Variants in MIER1 observed in about 807,000 individuals in gnomAD.
MIER1 encodes the protein mesoderm induction early response protein 1.
In MIER1, 40 loss-of-function variants were observed where a neutral mutation model predicts 75.7. That is an observed-to-expected ratio of 0.53 (90% CI 0.41 to 0.69). The LOEUF is 0.69. Ranked by LOEUF, MIER1 falls within the 30% of genes least tolerant of loss-of-function variation. MIER1 has a pLI of 0.00. For missense variants in MIER1, 574 were observed against 680.2 expected (o/e 0.84, Z 1.74); for synonymous variants, 213 against 223.4 (o/e 0.95, Z 0.42).
intron 2 of MIER1, among the ~76,000 whole-genome samples, chr1:66,927,333 A>T (rs766202671): frequency 1.3e-5 from 2 of 152,124 alleles, no homozygotes; most frequent in Non-Finnish European, 1.5e-5. Flanking sequence ...TGGGACATTA[A>T]TCACAAACCT....
intron 4 of MIER1, among the ~76,000 whole-genome samples, chr1:66,955,178 G>A (rs990286364): frequency 6.6e-6 from 1 of 151,938 alleles, no homozygotes; most frequent in Admixed American, 6.6e-5. Flanking sequence ...AAATATTTGA[G>A]CTGGATATCA....
intron 2 of MIER1, chr1:66,930,462 A>G (rs2101039289): frequency 6.6e-7 from 1 of 1,523,044 alleles, no homozygotes; most frequent in Non-Finnish European, 8.9e-7. Context: ...TGGGCCGGGG[A>G]GGAGTGGAGT....
In MIER1 at chr1:66,958,074, A is replaced by C. The variant is rs1226363362; in HGVS notation, c.355A>C (p.Ile119Leu). 2 of 1,586,618 alleles carry C rather than the reference A, an allele frequency of 1.3e-6. No homozygotes were observed. The highest frequency in any genetic ancestry group is 1.7e-6 in the Non-Finnish European group (2 of 1,165,996). ...ATTTATTTAGGAAGGCGACATGCCA[A>C]TTCATGAACTTCTCAGCCTTTATGG... is the stretch of plus-strand genomic sequence containing the variant. ...EDLAREGDMPIHELLSLYGYG... is the reference protein window; with the variant it reads ...EDLAREGDMPLHELLSLYGYG... The change falls in exon 5 of 14, where the codon ATT becomes CTT. Residue 119 changes from isoleucine to leucine, a missense_variant. This residue lies in a region of MIER1 where 309 missense variants were observed against 352.8 expected (regional missense o/e 0.88). Transcript: ENST00000401041.
Position 66,981,807 on chromosome 1 carries a change from A to G in MIER1, c.1258A>G (p.Ser420Gly). ...TTACATGGATCGTCTTCTAGACGAA[A>G]GTGAAAGTGCTGCATCTAGTCGAGC... ...TDYMDRLLDESESAASSRAPS... is the reference protein window; with the variant it reads ...TDYMDRLLDEGESAASSRAPS... The change falls in exon 13 of 14, where the codon AGT becomes GGT. Residue 420 changes from serine (S) to glycine (G), a missense_variant. By Grantham distance (56) the Ser-to-Gly change is moderately conservative (BLOSUM62 0). Around this residue, in one of 3 missense-constraint regions of MIER1, gnomAD observed 101 missense variants for 173.1 expected, o/e 0.58. Coordinates refer to ENST00000401041, the MANE Select transcript of MIER1 (RefSeq NM_001077700.3). 6.2e-7 allele frequency: 1 copy of G among 1,613,860 alleles called. No homozygotes were observed. The highest frequency in any genetic ancestry group is 8.5e-7 in the Non-Finnish European group (1 of 1,179,780).
At chr1:66,974,508 C>A (rs1368604564) in intron 11 of MIER1, among the ~76,000 whole-genome samples, 1 of 151,668 alleles carries the variant, frequency 6.6e-6, no homozygotes, top group Non-Finnish European at 1.5e-5. Flanking sequence ...GCTGAATTAC[C>A]TAAGGAAGGG....
At chr1:66,928,032 C>T (rs1421569611) in intron 2 of MIER1, among the ~76,000 whole-genome samples, 1 of 152,008 alleles carries the variant, frequency 6.6e-6, no homozygotes, top group East Asian at 1.9e-4. Flanking sequence ...ATACTGAATT[C>T]AGTGGTAATG....
rs571370647 is a variant in MIER1, at chr1:66,930,309, C to T, written c.168+4067C>T. On this transcript the variant is annotated intron_variant, in intron 2 of 13. Transcript: ENST00000401041. ...CGGCAGAGACGGCAGCGGCCGGAGT[C>T]CCGTTGCTGAGTCTCACATCCGGGT... 5.4e-5 allele frequency: 85 copies of T among 1,581,302 alleles called. No individual in the cohort carries two copies. In the African/African-American group the frequency reaches 9.6e-4, roughly 18 times the overall value.
chr1:66,971,720 T>G lies in MIER1; in HGVS notation c.990T>G (p.Asn330Lys). 1 of 1,494,424 alleles carries G rather than the reference T, an allele frequency of 6.7e-7. No individual in the cohort carries two copies. The highest frequency in any genetic ancestry group is 9.2e-7 in the Non-Finnish European group (1 of 1,082,490). 92.6% of individuals were successfully genotyped at this position (1,494,424 alleles called of 1,614,324 possible). ...TEEALRRLRF[N>K]VKAAREELSV... The stretch of plus-strand genomic sequence containing the variant: ...AAGCATTGAGAAGATTAAGATTTAA[T>G]GTAAAAGCAGCTAGAGGTAAGTATA... Residue 330 changes from asparagine to lysine, a missense_variant, in exon 10 of 14, where the codon AAT (asparagine) becomes AAG (lysine). Asn to Lys is a moderately conservative substitution (Grantham distance 94). Around this residue, in one of 3 missense-constraint regions of MIER1, gnomAD observed 101 missense variants for 173.1 expected, o/e 0.58. Coordinates refer to ENST00000401041, the MANE Select transcript of MIER1 (RefSeq NM_001077700.3).
chr1:66,942,921 T>C (rs1233160410), intron 3 of MIER1, among the ~76,000 whole-genome samples: 1 of 152,210 alleles, frequency 6.6e-6, no homozygotes, highest in African/African-American at 2.4e-5. Context: ...GCTTTGATGC[T>C]ATATACCTAT....
intron 2 of MIER1, among the ~76,000 whole-genome samples, chr1:66,931,010 C>T (rs558981015): frequency 6.6e-6 from 1 of 152,172 alleles, no homozygotes; most frequent in Non-Finnish European, 1.5e-5. Context: ...AAGGTACAAC[C>T]TCTGAGCTGC....
rs189707328 is a variant in MIER1 at position 66,953,778 on chromosome 1, A to G, written c.340-4281A>G. 1.2e-3 allele frequency among the ~76,000 whole-genome samples: 177 copies of G among 151,554 alleles called. 5 individuals are homozygous for G. The East Asian group carries it at 0.027, about 23-fold the overall frequency. On this transcript the variant is annotated intron_variant, in intron 4 of 13. Coordinates refer to ENST00000401041, the MANE Select transcript of MIER1 (RefSeq NM_001077700.3). ...ACCACCATGCCTGGCTAACTTTTGTATTTTTAGTAGAGTTGGGGTTCCACC... is the reference window on the plus strand; with the variant it reads ...ACCACCATGCCTGGCTAACTTTTGTGTTTTTAGTAGAGTTGGGGTTCCACC...
intron 3 of MIER1, 93 bp from the exon 4 acceptor site, chr1:66,946,052 TTTGAC>T: frequency 8.6e-7 from 1 of 1,164,986 alleles, no homozygotes. Flanking sequence ...TCTTGGTACT[TTTGAC>T]TTACATCCAG....
intron 12 of MIER1, among the ~76,000 whole-genome samples, chr1:66,977,309 T>C (rs1235474261): frequency 6.6e-6 from 1 of 151,964 alleles, no homozygotes; most frequent in Non-Finnish European, 1.5e-5. Context: ...GGGGTTTCAC[T>C]GTGTTGACCA....
At chr1:66,973,702 T>C (rs1322147327) in intron 11 of MIER1, among the ~76,000 whole-genome samples, 1 of 152,136 alleles carries the variant, frequency 6.6e-6, no homozygotes, top group African/African-American at 2.4e-5. Context: ...GTTGTTTCCA[T>C]GAGCAACACA....
chr1:66,964,498 G>C (rs944253852), intron 8 of MIER1, among the ~76,000 whole-genome samples: 2 of 144,000 alleles, frequency 1.4e-5, no homozygotes, highest in African/African-American at 5.2e-5. Context: ...TGTTGCCCAG[G>C]CTGGAGTGCA....
chr1:66,962,575 C>CA (rs1363618827), intron 7 of MIER1, among the ~76,000 whole-genome samples: 3 of 152,162 alleles, frequency 2.0e-5, no homozygotes, highest in African/African-American at 7.2e-5. Flanking sequence ...CCCAGCTACT[C>CA]AGAGACTGAG....
chr1:66,925,049 C>G lies in MIER1; in HGVS notation c.21C>G (p.Gly7=). 1 of 1,549,306 alleles carries G rather than the reference C, an allele frequency of 6.5e-7. No homozygotes were observed. Among genetic ancestry groups the G allele is most frequent in the Non-Finnish European group, 8.7e-7 (1 of 1,146,086 alleles). Residue 7 remains glycine, a synonymous_variant, in exon 1 of 14, where the codon GGC becomes GGG. Transcript: ENST00000401041. The part of the protein sequence containing the change: MDGASS[G]GGGSSEGGGG... ...GGCGGATGGATGGGGCTTCTTCAGG[C>G]GGTGGCGGCAGCAGCGAAGGTGGCG... is the stretch of plus-strand genomic sequence containing the variant.
chr1:66,930,487 G>A, intron 2 of MIER1: 4 of 1,403,000 alleles, frequency 2.9e-6, no homozygotes, highest in Non-Finnish European at 3.9e-6. Flanking sequence ...CTGGCCAGGA[G>A]AGGCCCGGCC....
chr1:66,986,060 G>A lies in MIER1; in HGVS notation c.*1160G>A, dbSNP rs1344313981. 9.8e-7 allele frequency: 1 copy of A among 1,016,860 alleles called. No individual in the cohort carries two copies. Among genetic ancestry groups the A allele is most frequent in the Non-Finnish European group, 1.2e-6 (1 of 851,074 alleles). The allele number at this position is 1,016,860 out of a possible 1,614,324, so 63.0% of individuals were successfully genotyped here. Reference sequence around the variant, plus strand: ...TTCTGCATTAAATAAACAGAGGAGGGGGGTCAAGTGATACTTAGATATTGG... The same window carrying A: ...TTCTGCATTAAATAAACAGAGGAGGAGGGTCAAGTGATACTTAGATATTGG... On this transcript the variant is annotated 3_prime_UTR_variant, in exon 14 of 14. Transcript: ENST00000401041.
Sources: allele counts gnomAD v4.1 joint callset (sites outside exome capture counted in the v4.1 genomes callset), GRCh38; gene constraint gnomAD v4.1.1; regional missense constraint gnomAD v4.1.1; transcripts MANE v1.5; gene names NCBI Gene and HGNC (gene_info 2026-07-23, HGNC 2026-07-21).